DBF4B: variants seen among roughly 807,000 people sequenced by gnomAD.
DBF4B encodes protein DBF4 homolog B.
In DBF4B, 49 loss-of-function variants were observed where a neutral mutation model predicts 53.4. That is an observed-to-expected ratio of 0.92 (90% CI 0.73 to 1.16). The LOEUF is 1.16. Among genes scored for constraint, DBF4B ranks in the 50% most tolerant of loss-of-function variants. DBF4B has a pLI of 0.00. For synonymous variants in DBF4B, 257 were observed against 288.7 expected (o/e 0.89, Z 1.11); for missense variants, 692 against 775.0 (o/e 0.89, Z 1.27).
At chr17:44,713,874 A>T (rs562037741) in intron 2 of DBF4B, among the ~76,000 whole-genome samples, 1 of 152,094 alleles carries the variant, frequency 6.6e-6, no homozygotes, top group South Asian at 2.1e-4. Flanking sequence ...GGCCTATTGC[A>T]CTGATTTCAT....
chr17:44,719,009 C>T (rs1478125534), intron 2 of DBF4B: 1 of 150,062 alleles, frequency 6.7e-6, no homozygotes, highest in Non-Finnish European at 1.5e-5. Context: ...GTTCTGTTGC[C>T]AGACTAGAGT....
chr17:44,731,122 C>A, intron 5 of DBF4B, 107 bp downstream of exon 5: 2 of 1,244,256 alleles, frequency 1.6e-6, no homozygotes, highest in Non-Finnish European at 2.3e-6. Context: ...GCACACTCTG[C>A]GATATGTAGT....
At chr17:44,748,614 C>T (rs2049175051) in intron 13 of DBF4B, 149 bp downstream of exon 13, 1 of 1,521,124 alleles carries the variant, frequency 6.6e-7, no homozygotes. Context: ...TACCAGTGTC[C>T]AGGAGCCCTG....
At chr17:44,714,042 G>A (rs925520644) in intron 2 of DBF4B, among the ~76,000 whole-genome samples, 9 of 152,084 alleles carry the variant, frequency 5.9e-5, no homozygotes, top group Admixed American at 4.6e-4. Context: ...GGAGCTGGAG[G>A]CCATTACTGT....
At chr17:44,722,379 C>T (rs927123533) in intron 2 of DBF4B, among the ~76,000 whole-genome samples, 1 of 152,172 alleles carries the variant, frequency 6.6e-6, no homozygotes, top group Non-Finnish European at 1.5e-5. Context: ...TTATCTGTCT[C>T]GAATACACAT....
intron 10 of DBF4B, 31 bp downstream of exon 10, chr17:44,741,483 GC>G (rs1567670150): frequency 6.8e-7 from 1 of 1,475,672 alleles, no homozygotes; most frequent in Admixed American, 1.9e-5. Flanking sequence ...AGTACCAAGG[GC>G]TGGTTACAGG....
At chr17:44,742,226 A>T (rs1249818044) in intron 10 of DBF4B, among the ~76,000 whole-genome samples, 5 of 151,528 alleles carry the variant, frequency 3.3e-5, no homozygotes, top group Non-Finnish European at 5.9e-5. Flanking sequence ...ATATGGTGAA[A>T]CCCCTTCTCT....
At chr17:44,717,832 T>C (rs753297933) in intron 2 of DBF4B, among the ~76,000 whole-genome samples, 7 of 150,066 alleles carry the variant, frequency 4.7e-5, no homozygotes, top group African/African-American at 1.2e-4. Context: ...ATGGGCAACA[T>C]AGTGAGATCT....
At chr17:44,741,150 G>C (rs994484085) in intron 9 of DBF4B, among the ~76,000 whole-genome samples, 186 bp from the exon 10 acceptor site, 1 of 151,860 alleles carries the variant, frequency 6.6e-6, no homozygotes, top group Non-Finnish European at 1.5e-5. Flanking sequence ...AAAAAGAAAA[G>C]TAGACAGGGA....
chr17:44,731,597 T>C, intron 5 of DBF4B: 1 of 157,882 alleles, frequency 6.3e-6, no homozygotes, highest in Non-Finnish European at 1.4e-5. Context: ...AGCTAGACTC[T>C]GTCTCAAAAA....
chr17:44,709,132 G>A (rs1972631439), intron 1 of DBF4B, among the ~76,000 whole-genome samples, 172 bp from the exon 2 acceptor site: 1 of 152,150 alleles, frequency 6.6e-6, no homozygotes, highest in South Asian at 2.1e-4. Context: ...CGGAGGGCAT[G>A]AGGGGCAAGA....
intron 2 of DBF4B, among the ~76,000 whole-genome samples, chr17:44,710,673 C>T (rs1418281004): frequency 4.6e-5 from 7 of 151,286 alleles, no homozygotes; most frequent in South Asian, 2.1e-4. Context: ...TCAAGTGATC[C>T]TCCCACCTCA....
chr17:44,709,728 C>T lies in DBF4B; in HGVS notation c.82+362C>T, dbSNP rs142074429. Among the ~76,000 whole-genome samples, 5 of 152,102 alleles carry T rather than the reference C, an allele frequency of 3.3e-5. 1 individual carries two copies. The highest frequency in any genetic ancestry group is 7.4e-5 in the Non-Finnish European group (5 of 68,020). ...TCATATTATGAACAAGATTAACAGA[C>T]AGATGTGGAGTCAGGATAGAGTGAC... On this transcript the variant is annotated intron_variant, in intron 2 of 13. Coordinates refer to ENST00000315005, the MANE Select transcript of DBF4B (RefSeq NM_145663.3).
At chr17:44,748,859 G>T in intron 13 of DBF4B, 1 of 1,291,140 alleles carries the variant, frequency 7.7e-7, no homozygotes, top group Non-Finnish European at 1.0e-6. Context: ...CATGAGTCCA[G>T]GCTCCTCGCC....
chr17:44,726,464 G>T (rs1441252700), intron 3 of DBF4B, among the ~76,000 whole-genome samples: 2 of 150,790 alleles, frequency 1.3e-5, no homozygotes, highest in African/African-American at 4.9e-5. Context: ...GTCTCGCTGT[G>T]TTGGTCAGAT....
intron 2 of DBF4B, among the ~76,000 whole-genome samples, chr17:44,709,591 G>T (rs1287000857): frequency 6.6e-6 from 1 of 152,120 alleles, no homozygotes. Context: ...AAAATGCTGG[G>T]ATTACAGGTG....
intron 3 of DBF4B, among the ~76,000 whole-genome samples, chr17:44,728,329 A>G (rs1027065846): frequency 2.6e-5 from 4 of 152,102 alleles, no homozygotes; most frequent in Non-Finnish European, 4.4e-5. Context: ...TATTGGTCCA[A>G]TCGAGTCAGA....
rs745518989 is a variant in DBF4B, at chr17:44,750,856, C to T, written c.1451C>T (p.Ala484Val). Reference protein sequence around the residue: ...PLHPSQENSFAPADIPVKGPL... With the variant: ...PLHPSQENSFVPADIPVKGPL... ...CATCCCTCCCAAGAAAACTCCTTTG[C>T]CCCGGCGGACATTCCTGTTAAGGGC... The change falls in exon 14 of 14, where the codon GCC becomes GTC. Residue 484 changes from alanine (A) to valine (V), a missense_variant. Ala to Val is a moderately conservative substitution (Grantham distance 64). Transcript: ENST00000315005. 5 of 1,614,140 alleles carry T rather than the reference C, an allele frequency of 3.1e-6. No individual in the cohort carries two copies. Among genetic ancestry groups the T allele is most frequent in the Non-Finnish European group, 4.2e-6 (5 of 1,180,022 alleles).
chr17:44,745,246 A>AAT (rs1976483994), intron 10 of DBF4B, among the ~76,000 whole-genome samples: 1 of 152,132 alleles, frequency 6.6e-6, no homozygotes, highest in African/African-American at 2.4e-5. Flanking sequence ...TAAATAAATC[A>AAT]ATATATATAT....
Sources: allele counts gnomAD v4.1 joint callset (sites outside exome capture counted in the v4.1 genomes callset), GRCh38; gene constraint gnomAD v4.1.1; transcripts MANE v1.5; gene names NCBI Gene and HGNC (gene_info 2026-07-23, HGNC 2026-07-21).